MBD5: variants seen among roughly 807,000 people sequenced by gnomAD.
MBD5 encodes the protein methyl-CpG-binding domain protein 5.
A neutral mutation model predicts 117.3 loss-of-function variants in MBD5; 13 were observed. The observed-to-expected ratio is 0.11, with a 90% CI of 0.07 to 0.18. The LOEUF (loss-of-function observed/expected upper bound fraction) is 0.18. Among genes scored for constraint, MBD5 ranks in the 10% least tolerant of loss-of-function variants. The probability of loss-of-function intolerance (pLI) is 1.00; values close to 1 mark genes in which losing one functional copy is unlikely to be tolerated. For missense variants in MBD5, 1,879 were observed against 2,093.8 expected, an observed-to-expected ratio of 0.90 and a Z score of 2.00; for synonymous variants, 727 against 766.4, an observed-to-expected ratio of 0.95 and a Z score of 0.85.
intron 1 of MBD5, among the ~76,000 whole-genome samples, chr2:148,022,116 G>A (rs1273917016): frequency 6.6e-6 from 1 of 152,166 alleles, no homozygotes; most frequent in East Asian, 1.9e-4. Flanking sequence ...GAAAATGTCG[G>A]GATCTGGATT....
At chr2:148,404,373 T>G (rs1705015374) in intron 4 of MBD5, among the ~76,000 whole-genome samples, 1 of 152,200 alleles carries the variant, frequency 6.6e-6, no homozygotes, top group Non-Finnish European at 1.5e-5. Context: ...AGTTCTGAGC[T>G]CTGTGTGACT....
intron 2 of MBD5, among the ~76,000 whole-genome samples, chr2:148,184,820 G>A (rs1698613315): frequency 6.6e-6 from 1 of 152,138 alleles, no homozygotes; most frequent in South Asian, 2.1e-4. Context: ...TGGAAGGTAG[G>A]TAGAAAAGCC....
At chr2:148,505,004 G>T (rs189408598) in intron 12 of MBD5, among the ~76,000 whole-genome samples, 27 of 152,224 alleles carry the variant, frequency 1.8e-4, no homozygotes, top group African/African-American at 6.3e-4. Flanking sequence ...AAGATGAAGA[G>T]ATTGTTCAGG....
intron 1 of MBD5, among the ~76,000 whole-genome samples, chr2:148,100,088 A>G (rs1696167046): frequency 6.6e-6 from 1 of 152,100 alleles, no homozygotes; most frequent in South Asian, 2.1e-4. Context: ...AGTCAGTTGA[A>G]TCTTCTAGGA....
In MBD5 at chr2:148,470,214, A is replaced by G. The variant is rs2105641334; in HGVS notation, c.2271A>G (p.Glu757=). The G allele has an allele frequency of 1.2e-6, 2 of 1,614,006 alleles. No homozygotes were observed. The highest frequency in any genetic ancestry group is 1.7e-6 in the Non-Finnish European group (2 of 1,179,918). Residue 757 remains glutamate (E), a synonymous_variant, in exon 8 of 14, where the codon GAA becomes GAG. Coordinates refer to ENST00000642680, the MANE Select transcript of MBD5 (RefSeq NM_001378120.1). ...TTCAGAACATACCTTTAAGAGGGGA[A>G]GCCGTGCACTGCCACAATGCAAACA... ...SVLQNIPLRG[E]AVHCHNANTN...
In MBD5 at chr2:148,407,360, G is replaced by GTC. The variant is rs1157511647; in HGVS notation, c.-556-50842_-556-50841insCT. Among the ~76,000 whole-genome samples the GTC allele has an allele frequency of 1.3e-5, 2 of 151,778 alleles. 1 individual carries two copies. Among genetic ancestry groups the GTC allele is most frequent in the Admixed American group, 1.3e-4 (2 of 15,222 alleles). On this transcript the variant is annotated intron_variant, in intron 4 of 13. Coordinates refer to ENST00000642680, the MANE Select transcript of MBD5 (RefSeq NM_001378120.1). ...TCTGAGTGTGTGTGTGTGTGTGTGT[G>GTC]TGTGTGTGTTTGTGTGTGTGTGTGT...
At chr2:148,082,115 C>T (rs554162915) in intron 1 of MBD5, among the ~76,000 whole-genome samples, 1 of 152,242 alleles carries the variant, frequency 6.6e-6, no homozygotes, top group East Asian at 1.9e-4. Context: ...TATGCAAAAC[C>T]AGAGGCATTT....
chr2:148,025,964 CT>C lies in MBD5; in HGVS notation c.-925+4283del, dbSNP rs1399147545. ...AATCTTATCTCAGTTCCTGTCATGG[CT>C]TTCATGTGTAATCGAAAAGTATATT... On this transcript the variant is annotated intron_variant, in intron 1 of 13. Transcript: ENST00000642680. 7 of 152,240 alleles carry C rather than the reference CT, an allele frequency of 4.6e-5. No individual in the cohort carries two copies. In the East Asian group the frequency reaches 1.3e-3, roughly 29 times the overall value. 9.4% of individuals were successfully genotyped at this position (152,240 alleles called of 1,614,324 possible).
chr2:148,489,563 G>C lies in MBD5; in HGVS notation c.3931G>C (p.Gly1311Arg). ...GQQVKDGLVV[G>R]GPGDASVDAI... ...ACAGGTGAAGGATGGCCTCGTTGTGGGTGGCCCAGGTGATGCTTCCGTAGA... is the reference window on the plus strand; with the variant it reads ...ACAGGTGAAGGATGGCCTCGTTGTGCGTGGCCCAGGTGATGCTTCCGTAGA... Residue 1311 changes from glycine to arginine, a missense_variant, in exon 11 of 14, where the codon GGT becomes CGT. Gly to Arg is a moderately radical substitution (Grantham distance 125). Around this residue, in one of 4 missense-constraint regions of MBD5, gnomAD observed 1,666 missense variants for 1,792.2 expected, o/e 0.93. Coordinates refer to ENST00000642680, the MANE Select transcript of MBD5 (RefSeq NM_001378120.1). The C allele has an allele frequency of 6.2e-7, 1 of 1,614,184 alleles. No homozygotes were observed. The highest frequency in any genetic ancestry group is 8.5e-7 in the Non-Finnish European group (1 of 1,180,042).
At chr2:148,441,240 T>C (rs935662625) in intron 4 of MBD5, among the ~76,000 whole-genome samples, 14 of 152,188 alleles carry the variant, frequency 9.2e-5, no homozygotes, top group African/African-American at 2.2e-4. Context: ...TATCTCCTAA[T>C]GCTGTCCCTC....
chr2:148,199,643 C>T (rs1574126731), intron 2 of MBD5, among the ~76,000 whole-genome samples: 1 of 151,948 alleles, frequency 6.6e-6, no homozygotes, highest in African/African-American at 2.4e-5. Flanking sequence ...CCTGTGGTCC[C>T]AAGTTACCCT....
intron 3 of MBD5, among the ~76,000 whole-genome samples, chr2:148,246,810 C>T (rs1005213484): frequency 6.7e-6 from 1 of 149,672 alleles, no homozygotes; most frequent in Admixed American, 6.7e-5. Flanking sequence ...GTTCAGGTAC[C>T]TGTTTCTAAA....
At chr2:148,446,889 AATTT>A (rs1706551913) in intron 4 of MBD5, among the ~76,000 whole-genome samples, 2 of 152,038 alleles carry the variant, frequency 1.3e-5, no homozygotes, top group Non-Finnish European at 2.9e-5. Context: ...AGACTTGATG[AATTT>A]ATTTGCTAAC....
At chr2:148,084,436 A>G (rs1186667853) in intron 1 of MBD5, among the ~76,000 whole-genome samples, 2 of 152,228 alleles carry the variant, frequency 1.3e-5, no homozygotes, top group East Asian at 3.8e-4. Context: ...CTTTTAAAAT[A>G]TAGTTTTAAA....
chr2:148,371,668 G>A (rs1288234131), intron 4 of MBD5, among the ~76,000 whole-genome samples: 1 of 152,064 alleles, frequency 6.6e-6, no homozygotes, highest in Admixed American at 6.6e-5. Context: ...TCAAGTCAAG[G>A]CCTGTTTATT....
intron 8 of MBD5, among the ~76,000 whole-genome samples, chr2:148,479,720 G>GTTTTTT (rs34758495): frequency 7.0e-6 from 1 of 142,344 alleles, no homozygotes; most frequent in Admixed American, 7.0e-5. Context: ...TGTCTTTGTT[G>GTTTTTT]TTTTTTTTTT....
At chr2:148,377,070 A>G (rs1474812534) in intron 4 of MBD5, among the ~76,000 whole-genome samples, 1 of 151,098 alleles carries the variant, frequency 6.6e-6, no homozygotes, top group African/African-American at 2.4e-5. Flanking sequence ...TTCTCTCCCT[A>G]TATATATAAA....
chr2:148,476,060 C>T (rs1264177243), intron 8 of MBD5, among the ~76,000 whole-genome samples: 1 of 152,102 alleles, frequency 6.6e-6, no homozygotes, highest in Non-Finnish European at 1.5e-5. Context: ...TGAGGTATTC[C>T]TGGGGTTGGA....
intron 3 of MBD5, among the ~76,000 whole-genome samples, chr2:148,235,471 C>A (rs1700072196): frequency 6.6e-6 from 1 of 151,978 alleles, no homozygotes; most frequent in Non-Finnish European, 1.5e-5. Flanking sequence ...AATTAATAAG[C>A]CACAGATATT....
Sources: allele counts gnomAD v4.1 joint callset (sites outside exome capture counted in the v4.1 genomes callset), GRCh38; gene constraint gnomAD v4.1.1; regional missense constraint gnomAD v4.1.1; transcripts MANE v1.5; gene names NCBI Gene and HGNC (gene_info 2026-07-23, HGNC 2026-07-21).